Variants in FANK1 observed in about 807,000 individuals in gnomAD.
FANK1 encodes the protein fibronectin type III and ankyrin repeat domains 1, also known as fibronectin type 3 and ankyrin repeat domains protein 1.
In FANK1, 44 loss-of-function variants were observed where a neutral mutation model predicts 45.3. The observed-to-expected ratio is 0.97, with a 90% CI of 0.76 to 1.25. FANK1 has a LOEUF of 1.25. Ranked by LOEUF, FANK1 falls within the 50% of genes most tolerant of loss-of-function variation. The probability of loss-of-function intolerance (pLI) is 0.00; values close to 1 mark genes in which losing one functional copy is unlikely to be tolerated. For missense variants in FANK1, 391 were observed against 424.4 expected (o/e 0.92, Z 0.69); for synonymous variants, 149 against 152.5 (o/e 0.98, Z 0.17).
intron 1 of FANK1, among the ~76,000 whole-genome samples, chr10:125,897,998 C>CAAAAAAAAAAAAAAAAA (rs373550249): frequency 1.2e-4 from 2 of 16,794 alleles, no homozygotes; most frequent in African/African-American, 2.4e-4. Flanking sequence ...TACTAAAATA[C>CAAAAAAAAAAAAAAAAA]AAAAAAAAAA....
In FANK1 at chr10:125,990,152, A is replaced by G. The variant is rs143895883; in HGVS notation, c.316+1477A>G. Among the ~76,000 whole-genome samples the G allele has an allele frequency of 6.4e-4, 97 of 152,212 alleles. 1 individual carries two copies. The East Asian group carries it at 0.011, about 17-fold the overall frequency. ...TACAGAGCAGTATTCCCCCACCTCT[A>G]TGAACACTTCTTGCATCTTAAGTAT... On this transcript the variant is annotated intron_variant, in intron 3 of 10. Coordinates refer to ENST00000368693, the MANE Select transcript of FANK1 (RefSeq NM_145235.5).
rs374818924 is a variant in FANK1, at chr10:126,008,586, G to A, written c.849+36G>A. The A allele has an allele frequency of 8.2e-6, 13 of 1,582,342 alleles. No individual in the cohort carries two copies. The African/African-American group carries it at 1.1e-4, about 13-fold the overall frequency. On this transcript the variant is annotated intron_variant, in intron 8 of 10. Transcript: ENST00000368693. ...CTCCCGAAAATAGGCAGTTTTCTAC[G>A]TGGAATTAATGTCAGAGCTTTTTCT...
intron 1 of FANK1, among the ~76,000 whole-genome samples, chr10:125,900,859 A>G (rs559946082): frequency 1.2e-4 from 18 of 152,166 alleles, no homozygotes; most frequent in Non-Finnish European, 2.2e-4. Context: ...CATGTTGGTC[A>G]GGCTGGTCTC....
At chr10:125,950,834 G>T (rs1433922468) in intron 1 of FANK1, among the ~76,000 whole-genome samples, 1 of 146,936 alleles carries the variant, frequency 6.8e-6, no homozygotes, top group African/African-American at 2.5e-5. Context: ...CAAAGACTTG[G>T]AACCAACCCA....
intron 4 of FANK1, 74 bp from the exon 5 acceptor site, chr10:125,996,476 T>G (rs3736478): frequency 7.1e-7 from 1 of 1,416,128 alleles, no homozygotes; most frequent in African/African-American, 1.4e-5. Context: ...ACCTAAGCCC[T>G]GTGAGAACCA....
At chr10:125,989,900 A>G (rs1390217946) in intron 3 of FANK1, among the ~76,000 whole-genome samples, 1 of 152,196 alleles carries the variant, frequency 6.6e-6, no homozygotes, top group Non-Finnish European at 1.5e-5. Context: ...GGGCAACCCC[A>G]GCCAGGATGC....
At chr10:125,907,689 T>A (rs200664355) in intron 1 of FANK1, among the ~76,000 whole-genome samples, 1 of 151,910 alleles carries the variant, frequency 6.6e-6, no homozygotes, top group African/African-American at 2.4e-5. Flanking sequence ...ATAGACATAT[T>A]GCTAGCATGC....
At chr10:125,912,070 G>T (rs1421849145) in intron 1 of FANK1, among the ~76,000 whole-genome samples, 3 of 152,170 alleles carry the variant, frequency 2.0e-5, no homozygotes, top group Non-Finnish European at 4.4e-5. Context: ...TGAAGAAGTG[G>T]TTGCCTAGCA....
intron 1 of FANK1, among the ~76,000 whole-genome samples, chr10:125,923,109 A>C (rs1367853961): frequency 1.3e-5 from 2 of 151,782 alleles, no homozygotes; most frequent in Non-Finnish European, 2.9e-5. Flanking sequence ...CAATATATTT[A>C]ATCTATGTAA....
chr10:125,950,742 G>T (rs1949153974), intron 1 of FANK1, among the ~76,000 whole-genome samples: 1 of 150,838 alleles, frequency 6.6e-6, no homozygotes, highest in Admixed American at 6.6e-5. Flanking sequence ...CCCATTACTG[G>T]GTATATACCC....
chr10:125,932,446 TTA>T (rs1274057244), intron 1 of FANK1, among the ~76,000 whole-genome samples: 2 of 152,204 alleles, frequency 1.3e-5, no homozygotes, highest in African/African-American at 4.8e-5. Context: ...CCTAAGTATT[TTA>T]GTTTTTTTGC....
intron 1 of FANK1, among the ~76,000 whole-genome samples, chr10:125,938,130 A>G (rs974053678): frequency 2.0e-5 from 3 of 152,192 alleles, no homozygotes; most frequent in African/African-American, 7.2e-5. Flanking sequence ...GGTAGTTTTG[A>G]TACTATTTTG....
intron 1 of FANK1, among the ~76,000 whole-genome samples, chr10:125,923,265 C>A (rs1440953017): frequency 6.6e-6 from 1 of 150,598 alleles, no homozygotes; most frequent in East Asian, 2.0e-4. Flanking sequence ...TCAAGACCAG[C>A]CTGGGCAATA....
At chr10:125,964,879 C>T (rs1006421526) in intron 1 of FANK1, among the ~76,000 whole-genome samples, 3 of 152,184 alleles carry the variant, frequency 2.0e-5, no homozygotes, top group African/African-American at 7.2e-5. Flanking sequence ...CTGCTATTGG[C>T]AGATTTTAGA....
At chr10:125,910,204 C>G (rs113450822) in intron 1 of FANK1, among the ~76,000 whole-genome samples, 11 of 148,896 alleles carry the variant, frequency 7.4e-5, no homozygotes, top group African/African-American at 1.2e-4. Context: ...TATATCCTGG[C>G]ATTCCTGGTA....
At position 125,980,269 on chromosome 10, in the gene FANK1, A is replaced by C; in HGVS notation, c.122A>C (p.Gln41Pro). Residue 41 changes from glutamine to proline, a missense_variant, in exon 2 of 11, where the codon CAA becomes CCA. By Grantham distance (76) the Gln-to-Pro change is moderately conservative. Transcript: ENST00000368693. Reference protein sequence around the residue: ...LEKKAKRQGPQEQWFRFSIEE... With the variant: ...LEKKAKRQGPPEQWFRFSIEE... Reference sequence around the variant, plus strand: ...AAGAAAGCCAAACGCCAAGGACCTCAAGAGCAGTGGTTCAGGTTCTCGATT... The same window carrying C: ...AAGAAAGCCAAACGCCAAGGACCTCCAGAGCAGTGGTTCAGGTTCTCGATT... The C allele has an allele frequency of 6.2e-7, 1 of 1,614,164 alleles. No individual in the cohort carries two copies. Among genetic ancestry groups the C allele is most frequent in the East Asian group, 2.2e-5 (1 of 44,882 alleles).
intron 1 of FANK1, among the ~76,000 whole-genome samples, chr10:125,951,099 G>A (rs1440645070): frequency 1.7e-5 from 2 of 118,296 alleles, no homozygotes; most frequent in Admixed American, 1.9e-4. Context: ...GTGGTGGGGT[G>A]GGGGGAGGGG....
intron 1 of FANK1, among the ~76,000 whole-genome samples, chr10:125,949,328 T>C (rs1949038082): frequency 2.0e-5 from 3 of 151,602 alleles, no homozygotes; most frequent in Non-Finnish European, 4.4e-5. Context: ...GAAGTCAAAT[T>C]GTCCCTGTTT....
chr10:125,950,559 A>G lies in FANK1; in HGVS notation c.14-29602A>G, dbSNP rs377377883. 5.9e-5 allele frequency among the ~76,000 whole-genome samples: 9 copies of G among 152,268 alleles called. No individual in the cohort carries two copies. In the South Asian group the frequency reaches 1.7e-3, roughly 28 times the overall value. On this transcript the variant is annotated intron_variant, in intron 1 of 10. Coordinates refer to ENST00000368693, the MANE Select transcript of FANK1 (RefSeq NM_145235.5). ...CATCAGAGAAATGCAAATCAAAACC[A>G]CAATGAGATACCATCTCACACCAGT...
Sources: gnomAD v4.1 joint callset for allele counts (sites outside exome capture counted in the v4.1 genomes callset) on GRCh38, gnomAD v4.1.1 for gene constraint, MANE v1.5 for transcripts, NCBI Gene and HGNC (gene_info 2026-07-23, HGNC 2026-07-21) for gene names.